RTTN: variants seen among roughly 807,000 people sequenced by gnomAD.
RTTN encodes the protein rotatin.
Under a neutral mutation model 269.2 loss-of-function variants are expected in RTTN, and 182 were observed. That is an observed-to-expected ratio of 0.68 (90% CI 0.60 to 0.76). The LOEUF (loss-of-function observed/expected upper bound fraction) is 0.76. Among genes scored for constraint, RTTN ranks in the 30% least tolerant of loss-of-function variants. The pLI, the probability that RTTN is intolerant of heterozygous loss-of-function variation, is 0.00. For missense variants in RTTN, 2,545 were observed against 2,608.6 expected (o/e 0.98, Z 0.53); for synonymous variants, 1,006 against 963.5 (o/e 1.04, Z -0.82).
At chr18:70,045,273 C>A (rs1599254561) in intron 40 of RTTN, among the ~76,000 whole-genome samples, 1 of 152,184 alleles carries the variant, frequency 6.6e-6, no homozygotes, top group Non-Finnish European at 1.5e-5. Flanking sequence ...TTAGAGGCAG[C>A]TGAAACTTAG....
At chr18:70,086,883 A>G (rs1006475862) in intron 31 of RTTN, among the ~76,000 whole-genome samples, 199 bp from the exon 32 acceptor site, 7 of 152,030 alleles carry the variant, frequency 4.6e-5, no homozygotes, top group African/African-American at 2.4e-5. Context: ...CTTCTTAGGT[A>G]ATGACCTTGT....
At chr18:70,034,597 G>A (rs1178386907) in intron 40 of RTTN, among the ~76,000 whole-genome samples, 2 of 152,170 alleles carry the variant, frequency 1.3e-5, no homozygotes, top group African/African-American at 4.8e-5. Context: ...CATACTGAAT[G>A]GGCAAAAGCT....
chr18:70,204,343 T>TA, intron 2 of RTTN, 80 bp from the exon 3 acceptor site: 1 of 1,356,818 alleles, frequency 7.4e-7, no homozygotes. Context: ...ATAAAATTAT[T>TA]TTTGGTATAT....
intron 1 of RTTN, 57 bp from the exon 2 acceptor site, chr18:70,205,372 T>C: frequency 3.1e-6 from 5 of 1,596,000 alleles, no homozygotes; most frequent in Non-Finnish European, 4.3e-6. Context: ...GACTACGTTA[T>C]TTATGCTGTG....
chr18:70,086,565 A>G (rs767349297), intron 32 of RTTN, 48 bp downstream of exon 32: 30 of 1,370,442 alleles, frequency 2.2e-5, no homozygotes, highest in Non-Finnish European at 3.1e-5. Context: ...TTTATCACCA[A>G]TTAATTTGAA....
At chr18:70,166,530 A>C (rs974846926) in intron 13 of RTTN, 3 of 205,598 alleles carry the variant, frequency 1.5e-5, no homozygotes, top group African/African-American at 6.9e-5. Flanking sequence ...ACCAATACAC[A>C]GTCTTTTCTA....
At chr18:70,173,908 A>G (rs190133758) in intron 11 of RTTN, among the ~76,000 whole-genome samples, 1 of 152,362 alleles carries the variant, frequency 6.6e-6, no homozygotes, top group East Asian at 1.9e-4. Context: ...GAGTTGAGAG[A>G]GTACATACTT....
intron 5 of RTTN, among the ~76,000 whole-genome samples, chr18:70,199,194 A>G (rs1600079122): frequency 1.3e-5 from 2 of 152,190 alleles, no homozygotes; most frequent in Non-Finnish European, 2.9e-5. Context: ...TCAAAAATAA[A>G]TAAATAAATA....
chr18:70,087,466 G>A (rs2058730778), intron 31 of RTTN, among the ~76,000 whole-genome samples: 1 of 152,076 alleles, frequency 6.6e-6, no homozygotes, highest in African/African-American at 2.4e-5. Context: ...CCCAGGAGCT[G>A]CTGTTTTTTT....
chr18:70,203,534 C>T (rs1441141601), intron 3 of RTTN, among the ~76,000 whole-genome samples: 1 of 152,144 alleles, frequency 6.6e-6, no homozygotes, highest in Admixed American at 6.5e-5. Flanking sequence ...AATGAGAAAA[C>T]TGAAGCCTGG....
At chr18:70,051,014 C>T (rs1383650158) in intron 39 of RTTN, among the ~76,000 whole-genome samples, 1 of 152,090 alleles carries the variant, frequency 6.6e-6, no homozygotes, top group African/African-American at 2.4e-5. Flanking sequence ...CAGCAAACCA[C>T]CATGGCACAT....
rs920916043 is a variant in RTTN, at chr18:70,150,037, C to T, written c.2106G>A (p.Leu702=). The change falls in exon 16 of 49, where the codon TTG becomes TTA. Residue 702 remains leucine (L), a synonymous_variant. Transcript: ENST00000640769. ...AILLYLLQGR[L]MMTALTWNKF... ...TGTTCCAGGTCAATGCTGTCATCAT[C>T]AATCGTCCCTGAAGCAGGTATAACA... The T allele has an allele frequency of 6.2e-7, 1 of 1,613,350 alleles. No homozygotes were observed. The highest frequency in any genetic ancestry group is 1.3e-5 in the African/African-American group (1 of 74,894).
intron 39 of RTTN, among the ~76,000 whole-genome samples, chr18:70,048,878 C>T (rs1274082732): frequency 1.3e-5 from 2 of 151,496 alleles, no homozygotes; most frequent in Non-Finnish European, 2.9e-5. Flanking sequence ...TAAAAATAAA[C>T]AAAAATAAAA....
At chr18:70,151,004 C>T (rs1424875056) in intron 14 of RTTN, among the ~76,000 whole-genome samples, 1 of 151,662 alleles carries the variant, frequency 6.6e-6, no homozygotes, top group East Asian at 1.9e-4. Flanking sequence ...GTTAATTCAT[C>T]ATGACAGACA....
At chr18:70,016,692 C>CA (rs2056548447) in intron 46 of RTTN, among the ~76,000 whole-genome samples, 1 of 152,120 alleles carries the variant, frequency 6.6e-6, no homozygotes, top group East Asian at 1.9e-4. Flanking sequence ...TCCTACATCT[C>CA]AGAGAATGAA....
chr18:70,095,154 T>TA (rs1393383432), intron 28 of RTTN, among the ~76,000 whole-genome samples: 1 of 150,432 alleles, frequency 6.6e-6, no homozygotes, highest in Non-Finnish European at 1.5e-5. Flanking sequence ...ATTTGCTTGG[T>TA]AAATCATCCT....
chr18:70,110,918 T>G (rs1322399020), intron 27 of RTTN, among the ~76,000 whole-genome samples: 1 of 152,200 alleles, frequency 6.6e-6, no homozygotes. Context: ...GTAGGCAGTT[T>G]TACACTCACA....
chr18:70,193,561 G>T, intron 7 of RTTN, 108 bp from the exon 8 acceptor site: 1 of 852,016 alleles, frequency 1.2e-6, no homozygotes, highest in Non-Finnish European at 1.7e-6. Flanking sequence ...TAAGATAGTA[G>T]GAATCCTTCT....
chr18:70,030,399 G>T (rs1420670114), intron 41 of RTTN, among the ~76,000 whole-genome samples: 1 of 152,126 alleles, frequency 6.6e-6, no homozygotes, highest in African/African-American at 2.4e-5. Context: ...TAATGGACTT[G>T]ATGTTGCCAT....
Sources: allele counts gnomAD v4.1 joint callset (sites outside exome capture counted in the v4.1 genomes callset), GRCh38; gene constraint gnomAD v4.1.1; transcripts MANE v1.5; gene names NCBI Gene and HGNC (gene_info 2026-07-23, HGNC 2026-07-21).